Variants in PCDHA1 observed in about 807,000 individuals in gnomAD.
The protein encoded by PCDHA1 is protocadherin alpha 1, also known as protocadherin alpha-1.
Under a neutral mutation model 61.3 loss-of-function variants are expected in PCDHA1, and 42 were observed. The observed-to-expected ratio is 0.69, with a 90% CI of 0.54 to 0.89. The LOEUF is 0.89. Among genes scored for constraint, PCDHA1 ranks in the 40% least tolerant of loss-of-function variants. PCDHA1 has a pLI of 0.00. For synonymous variants in PCDHA1, 610 were observed against 553.8 expected (o/e 1.10, Z -1.43); for missense variants, 1,256 against 1,235.3 (o/e 1.02, Z -0.25).
At chr5:141,003,307 C>T (rs2153977029) in intron 3 of PCDHA1, among the ~76,000 whole-genome samples, 1 of 152,252 alleles carries the variant, frequency 6.6e-6, no homozygotes. Flanking sequence ...ATGAAGTGGC[C>T]AGCTACTTCC....
chr5:140,807,023 A>C (rs1763831749), intron 1 of PCDHA1: 2 of 827,224 alleles, frequency 2.4e-6, no homozygotes, highest in South Asian at 3.6e-5. Flanking sequence ...ACATGAGAGA[A>C]GGAGGAAGAA....
chr5:141,005,701 C>CAAAAAA (rs59860837), intron 3 of PCDHA1, among the ~76,000 whole-genome samples: 13 of 7,792 alleles, frequency 1.7e-3, no homozygotes, highest in East Asian at 3.2e-3. Context: ...AACTCCGTCT[C>CAAAAAA]AAAAAAAAAA....
chr5:140,928,557 C>G lies in PCDHA1; in HGVS notation c.2395-50392C>G, dbSNP rs556688707. 7 of 1,614,238 alleles carry G rather than the reference C, an allele frequency of 4.3e-6. 1 individual carries two copies. The East Asian group carries it at 1.6e-4, about 36-fold the overall frequency. On this transcript the variant is annotated intron_variant, in intron 1 of 3. Coordinates refer to ENST00000504120, the MANE Select transcript of PCDHA1 (RefSeq NM_018900.4). ...ATAGGAATGACAATTATCCGGTTAT[C>G]TTGTTTCCCTTGCCCAGAAATGGTT...
rs1554117514 is a variant in PCDHA1, at chr5:140,786,690, A to T, written c.400A>T (p.Arg134Trp). The T allele has an allele frequency of 1.2e-6, 2 of 1,614,236 alleles. No homozygotes were observed. The highest frequency in any genetic ancestry group is 1.7e-6 in the Non-Finnish European group (2 of 1,180,038). The change falls in exon 1 of 4, where the codon AGG (arginine) becomes TGG (tryptophan). Residue 134 changes from arginine (R) to tryptophan (W), a missense_variant. By Grantham distance (101) the Arg-to-Trp change is moderately radical. Coordinates refer to ENST00000504120, the MANE Select transcript of PCDHA1 (RefSeq NM_018900.4). ...KDINDNPPVF[R>W]GREQIIFIPE... ...CATTAACGATAATCCACCCGTCTTC[A>T]GGGGCAGAGAACAAATAATATTTAT...
At chr5:140,902,905 G>A (rs933013740) in intron 1 of PCDHA1, among the ~76,000 whole-genome samples, 3 of 152,174 alleles carry the variant, frequency 2.0e-5, no homozygotes, top group Admixed American at 6.5e-5. Flanking sequence ...TTTAGTTTAT[G>A]GCTGAGTAGT....
At chr5:141,000,547 A>T (rs2097946124) in intron 3 of PCDHA1, among the ~76,000 whole-genome samples, 1 of 147,246 alleles carries the variant, frequency 6.8e-6, no homozygotes, top group Non-Finnish European at 1.5e-5. Context: ...CATGCCTCAA[A>T]CTCCCGAGTA....
At chr5:140,858,363 C>G in intron 1 of PCDHA1, 1 of 1,591,358 alleles carries the variant, frequency 6.3e-7, no homozygotes, top group Non-Finnish European at 8.6e-7. Flanking sequence ...GCCTTCAGCC[C>G]CAGCCTTCCA....
chr5:140,824,952 A>T (rs1480130328), intron 1 of PCDHA1: 2 of 152,172 alleles, frequency 1.3e-5, no homozygotes, highest in Non-Finnish European at 2.9e-5. Flanking sequence ...TTTAAAAATT[A>T]TATTTTTCAT....
At chr5:140,926,789 G>A in intron 1 of PCDHA1, 1 of 1,432,318 alleles carries the variant, frequency 7.0e-7, no homozygotes, top group East Asian at 2.5e-5. Flanking sequence ...CGGCCGGCAG[G>A]AGCGTGCTCT....
Position 140,855,317 on chromosome 5 carries a change from G to A in PCDHA1, c.2394+66633G>A, listed in dbSNP as rs568738789. Among the ~76,000 whole-genome samples, 68 of 149,944 alleles carry A rather than the reference G, an allele frequency of 4.5e-4. 6 individuals are homozygous for A. Among genetic ancestry groups the A allele is most frequent in the African/African-American group, 1.6e-3 (65 of 40,966 alleles). The stretch of plus-strand genomic sequence containing the variant: ...CCAAAGTTATAAAATTGGAACATGA[G>A]GGAGGGAGAGGTTAAACGATTTTCC... On this transcript the variant is annotated intron_variant, in intron 1 of 3. Transcript: ENST00000504120.
At chr5:140,796,668 T>A in intron 1 of PCDHA1, 2 of 1,613,872 alleles carry the variant, frequency 1.2e-6, no homozygotes, top group Non-Finnish European at 1.7e-6. Context: ...TGTTGGCGCC[T>A]AGGGCTGGCA....
rs1767209062 is a variant in PCDHA1, at chr5:140,822,146, A to G, written c.2394+33462A>G. The G allele has an allele frequency of 6.2e-7, 1 of 1,614,260 alleles. No individual in the cohort carries two copies. The highest frequency in any genetic ancestry group is 8.5e-7 in the Non-Finnish European group (1 of 1,180,048). On this transcript the variant is annotated intron_variant, in intron 1 of 3. Transcript: ENST00000504120. ...TTCCATGTGGAGGTGGCAGTGAAGG[A>G]CATCAATGACAATCCGCCCAGGTTC...
At position 140,857,694 on chromosome 5, in the gene PCDHA1, C is replaced by T. The variant is rs1554150531; in HGVS notation, c.2394+69010C>T. 1 of 1,597,142 alleles carries T rather than the reference C, an allele frequency of 6.3e-7. No individual in the cohort carries two copies. Among genetic ancestry groups the T allele is most frequent in the Non-Finnish European group, 8.6e-7 (1 of 1,167,746 alleles). On this transcript the variant is annotated intron_variant, in intron 1 of 3. Coordinates refer to ENST00000504120, the MANE Select transcript of PCDHA1 (RefSeq NM_018900.4). Reference sequence around the variant, plus strand: ...GTGCCGCCTCTGGGCAGCAACTTGACGCTGCAGGTGTTCGTGCTGGACGAG... The same window carrying T: ...GTGCCGCCTCTGGGCAGCAACTTGATGCTGCAGGTGTTCGTGCTGGACGAG...
chr5:140,925,151 T>G (rs1378736882), intron 1 of PCDHA1, among the ~76,000 whole-genome samples: 3 of 151,748 alleles, frequency 2.0e-5, no homozygotes, highest in African/African-American at 7.3e-5. Context: ...ACACAAAAGT[T>G]GAGAGAATTG....
At chr5:140,797,584 A>G (rs782429707) in intron 1 of PCDHA1, 1 of 615,416 alleles carries the variant, frequency 1.6e-6, no homozygotes, top group South Asian at 2.2e-5. Context: ...TCATTAAGTC[A>G]TAAGTAATAG....
intron 1 of PCDHA1, chr5:140,803,786 T>C (rs1763280882): frequency 1.2e-6 from 1 of 862,140 alleles, no homozygotes; most frequent in African/African-American, 1.7e-5. Flanking sequence ...CAGTAAGTTA[T>C]GATATCCACA....
At chr5:140,906,993 C>T (rs1361320380) in intron 1 of PCDHA1, among the ~76,000 whole-genome samples, 1 of 152,146 alleles carries the variant, frequency 6.6e-6, no homozygotes, top group African/African-American at 2.4e-5. Flanking sequence ...CAGCATTCCT[C>T]CCTCTGGAAC....
chr5:140,848,857 T>C (rs2150422920), intron 1 of PCDHA1: 1 of 1,590,410 alleles, frequency 6.3e-7, no homozygotes, highest in Non-Finnish European at 8.6e-7. Context: ...CATGTGGACG[T>C]GGAGGTGAAG....
chr5:140,830,013 A>G lies in PCDHA1; in HGVS notation c.2394+41329A>G, dbSNP rs2150179527. 6 of 1,613,450 alleles carry G rather than the reference A, an allele frequency of 3.7e-6. No individual in the cohort carries two copies. The East Asian group carries it at 1.1e-4, about 30-fold the overall frequency. Reference sequence around the variant, plus strand: ...ACCACTCGTGTCCTGGACGAAGCGGACTCTCCGCGCCACCGGCTGCTGGTG... The same window carrying G: ...ACCACTCGTGTCCTGGACGAAGCGGGCTCTCCGCGCCACCGGCTGCTGGTG... On this transcript the variant is annotated intron_variant, in intron 1 of 3. Coordinates refer to ENST00000504120, the MANE Select transcript of PCDHA1 (RefSeq NM_018900.4).
Sources: allele counts gnomAD v4.1 joint callset (sites outside exome capture counted in the v4.1 genomes callset), GRCh38; gene constraint gnomAD v4.1.1; transcripts MANE v1.5; gene names NCBI Gene and HGNC (gene_info 2026-07-23, HGNC 2026-07-21).